OR56A3: variants seen among roughly 807,000 people sequenced by gnomAD.
OR56A3 encodes olfactory receptor family 56 subfamily A member 3.
In OR56A3, 23 loss-of-function variants were observed where a neutral mutation model predicts 17.5. The observed-to-expected ratio is 1.32, with a 90% CI of 0.95 to 1.87. OR56A3 has a LOEUF of 1.87. Ranked by LOEUF, OR56A3 falls within the 40% of genes most tolerant of loss-of-function variation. OR56A3 has a pLI of 0.00. For synonymous variants in OR56A3, 175 were observed against 150.6 expected, an observed-to-expected ratio of 1.16 and a Z score of -1.19; for missense variants, 366 against 380.1, an observed-to-expected ratio of 0.96 and a Z score of 0.31.
chr11:5,962,531 C>CTTTT, the OR56A3 span, among the ~76,000 whole-genome samples: 1 of 128,410 alleles, frequency 7.8e-6, no homozygotes, highest in African/African-American at 2.9e-5. Context: ...CTGGGCTTTT[C>CTTTT]TTTTTTTTTT....
the OR56A3 span, among the ~76,000 whole-genome samples, chr11:5,978,365 A>C: frequency 6.6e-6 from 1 of 151,976 alleles, no homozygotes; most frequent in Non-Finnish European, 1.5e-5. Flanking sequence ...CCATTTGTTT[A>C]TGTTGTCTCT....
At chr11:5,971,573 G>A in the OR56A3 span, among the ~76,000 whole-genome samples, 1 of 152,204 alleles carries the variant, frequency 6.6e-6, no homozygotes, top group African/African-American at 2.4e-5. Context: ...AAGGATAAGA[G>A]AGGAGGGTAT....
the OR56A3 span, among the ~76,000 whole-genome samples, chr11:6,005,031 T>C: frequency 6.6e-6 from 1 of 151,992 alleles, no homozygotes; most frequent in Admixed American, 6.6e-5. Context: ...AATGAAGCAG[T>C]GTAATGTGGT....
At chr11:5,961,145 C>T in the OR56A3 span, among the ~76,000 whole-genome samples, 5 of 151,206 alleles carry the variant, frequency 3.3e-5, no homozygotes, top group South Asian at 2.1e-4. Flanking sequence ...GGGCAGCCCC[C>T]GCCCGGCCAC....
chr11:5,985,913 C>T, the OR56A3 span: 20,889 of 1,558,576 alleles, frequency 0.013, 185 homozygotes, highest in Non-Finnish European at 0.016. Flanking sequence ...AAGAAGCCTC[C>T]GAAGGAAACA....
the OR56A3 span, among the ~76,000 whole-genome samples, chr11:5,978,219 A>G: frequency 6.6e-6 from 1 of 152,076 alleles, no homozygotes; most frequent in Non-Finnish European, 1.5e-5. Context: ...ATTTTACAAT[A>G]GTTTTTTTCT....
At chr11:5,958,557 A>G in the OR56A3 span, among the ~76,000 whole-genome samples, 1 of 152,192 alleles carries the variant, frequency 6.6e-6, no homozygotes, top group Non-Finnish European at 1.5e-5. Context: ...TTTGAAGTAT[A>G]TATGCATTAT....
At chr11:5,962,177 G>A in the OR56A3 span, among the ~76,000 whole-genome samples, 2 of 152,114 alleles carry the variant, frequency 1.3e-5, no homozygotes, top group Admixed American at 6.5e-5. Context: ...TTGTTAATGT[G>A]ATGTATTACA....
chr11:6,011,222 A>G, the OR56A3 span, among the ~76,000 whole-genome samples: 15 of 148,932 alleles, frequency 1.0e-4, no homozygotes, highest in Non-Finnish European at 1.9e-4. Context: ...ATATATATAT[A>G]CACACATATA....
the OR56A3 span, among the ~76,000 whole-genome samples, chr11:5,969,549 C>A: frequency 6.6e-6 from 1 of 152,156 alleles, no homozygotes; most frequent in East Asian, 1.9e-4. Context: ...TTCCATTCAC[C>A]TTGACCTTTT....
At chr11:5,977,594 T>C in the OR56A3 span, among the ~76,000 whole-genome samples, 1 of 152,232 alleles carries the variant, frequency 6.6e-6, no homozygotes, top group Non-Finnish European at 1.5e-5. Context: ...TTTAAGTTTC[T>C]TATGGATTCT....
At chr11:5,962,428 TCTC>T in the OR56A3 span, among the ~76,000 whole-genome samples, 3 of 152,196 alleles carry the variant, frequency 2.0e-5, no homozygotes, top group Non-Finnish European at 4.4e-5. Context: ...TGGAGAATTC[TCTC>T]CTCTTTAATT....
chr11:6,015,494 T>C, the OR56A3 span, among the ~76,000 whole-genome samples: 2 of 152,178 alleles, frequency 1.3e-5, no homozygotes, highest in Non-Finnish European at 2.9e-5. Flanking sequence ...CAGATTCTGG[T>C]ATTCTAGGGC....
chr11:5,999,301 G>A, the OR56A3 span: 1 of 152,080 alleles, frequency 6.6e-6, no homozygotes, highest in Non-Finnish European at 1.5e-5. Context: ...AGGGCAGCAG[G>A]GGAAGCAGCA....
At chr11:6,013,051 G>A in the OR56A3 span, among the ~76,000 whole-genome samples, 362 of 152,360 alleles carry the variant, frequency 2.4e-3, 2 homozygotes, top group Non-Finnish European at 1.1e-3. Context: ...CGGGTCTACA[G>A]CCCCAACTTG....
intron 2 of OR56A3, among the ~76,000 whole-genome samples, chr11:5,945,648 A>G (rs1847865574): frequency 6.6e-6 from 1 of 151,158 alleles, no homozygotes; most frequent in Non-Finnish European, 1.5e-5. Flanking sequence ...ATCCAACCCA[A>G]CCTCTATATT....
chr11:5,954,025 G>C (rs1847921216), downstream of OR56A3, among the ~76,000 whole-genome samples: 1 of 152,094 alleles, frequency 6.6e-6, no homozygotes, highest in Admixed American at 6.5e-5. Flanking sequence ...AGTGAGAAAA[G>C]GGGCATCAGG....
chr11:5,981,998 T>A, the OR56A3 span, among the ~76,000 whole-genome samples: 2 of 152,178 alleles, frequency 1.3e-5, no homozygotes, highest in African/African-American at 4.8e-5. Flanking sequence ...ATGGCTGTGT[T>A]CTCTGGCCCC....
At chr11:5,947,020 T>TAA (rs1256831894) in intron 2 of OR56A3, among the ~76,000 whole-genome samples, 1 of 152,138 alleles carries the variant, frequency 6.6e-6, no homozygotes, top group African/African-American at 2.4e-5. Flanking sequence ...CCTGTCACAC[T>TAA]AAAGTTGTTT....
Sources: allele counts gnomAD v4.1 joint callset (sites outside exome capture counted in the v4.1 genomes callset), GRCh38; gene constraint gnomAD v4.1.1; transcripts MANE v1.5; gene names NCBI Gene and HGNC (gene_info 2026-07-23, HGNC 2026-07-21).